The following RGS7BP variants were observed in gnomAD, a reference collection of about 807,000 sequenced individuals.
The protein encoded by RGS7BP is regulator of G protein signaling 7-binding protein.
RGS7BP carries 9 observed loss-of-function variants against 31.3 expected under a neutral mutation model. The ratio of observed to expected loss-of-function variants is 0.29; its 90% CI spans 0.17 to 0.50. RGS7BP has a LOEUF of 0.50. Ranked by LOEUF, RGS7BP falls within the 20% of genes least tolerant of loss-of-function variation. The pLI is 0.98. For missense variants in RGS7BP, 274 were observed against 322.0 expected, an observed-to-expected ratio of 0.85 and a Z score of 1.14; for synonymous variants, 115 against 120.1, an observed-to-expected ratio of 0.96 and a Z score of 0.28.
chr5:64,589,546 T>C (rs1439976722), intron 3 of RGS7BP, among the ~76,000 whole-genome samples: 1 of 152,152 alleles, frequency 6.6e-6, no homozygotes, highest in Non-Finnish European at 1.5e-5. Flanking sequence ...AAGGTCATTA[T>C]ATAAAACAAC....
At chr5:64,572,887 A>G (rs890046847) in intron 2 of RGS7BP, among the ~76,000 whole-genome samples, 1 of 150,754 alleles carries the variant, frequency 6.6e-6, no homozygotes, top group Non-Finnish European at 1.5e-5. Flanking sequence ...TTACATATGT[A>G]TACATGTGCC....
intron 2 of RGS7BP, 71 bp from the exon 3 acceptor site, chr5:64,575,703 G>A (rs1348917609): frequency 6.6e-7 from 1 of 1,525,814 alleles, no homozygotes; most frequent in Non-Finnish European, 8.8e-7. Context: ...TTCCCTCTCG[G>A]AGCTGAGACA....
At chr5:64,543,716 A>C (rs1228466514) in intron 2 of RGS7BP, among the ~76,000 whole-genome samples, 1 of 152,228 alleles carries the variant, frequency 6.6e-6, no homozygotes, top group Non-Finnish European at 1.5e-5. Flanking sequence ...TAGGAGCTGC[A>C]TAAGTGGAGC....
intron 3 of RGS7BP, among the ~76,000 whole-genome samples, chr5:64,583,153 C>T (rs1010485279): frequency 6.6e-6 from 1 of 151,992 alleles, no homozygotes; most frequent in Admixed American, 6.6e-5. Flanking sequence ...TTTGGGAGGC[C>T]GAGGCAGGCA....
intron 2 of RGS7BP, among the ~76,000 whole-genome samples, chr5:64,542,602 A>T (rs75783318): frequency 0.013 from 1,965 of 152,306 alleles, 46 homozygotes; most frequent in African/African-American, 0.044. Flanking sequence ...GCATGTTTAC[A>T]AGGAGCCCTG....
intron 2 of RGS7BP, among the ~76,000 whole-genome samples, chr5:64,518,574 C>T (rs1469139215): frequency 6.6e-6 from 1 of 152,078 alleles, no homozygotes; most frequent in Non-Finnish European, 1.5e-5. Context: ...GGGACCAGTC[C>T]TATGATAATT....
intron 2 of RGS7BP, among the ~76,000 whole-genome samples, chr5:64,544,787 A>G (rs945529392): frequency 2.6e-5 from 4 of 152,224 alleles, no homozygotes; most frequent in African/African-American, 4.8e-5. Flanking sequence ...GCAATAAATC[A>G]TGGTATATTG....
At chr5:64,511,613 G>T (rs142620690) in intron 2 of RGS7BP, among the ~76,000 whole-genome samples, 180 of 152,244 alleles carry the variant, frequency 1.2e-3, no homozygotes, top group African/African-American at 4.2e-3. Context: ...CCTGCCTTTT[G>T]GACTTCCTTC....
At chr5:64,584,679 A>G (rs1742695724) in intron 3 of RGS7BP, among the ~76,000 whole-genome samples, 1 of 152,224 alleles carries the variant, frequency 6.6e-6, no homozygotes, top group African/African-American at 2.4e-5. Flanking sequence ...TGGCAGTGCC[A>G]CAAGGAGCAC....
At chr5:64,524,397 T>C (rs1454190349) in intron 2 of RGS7BP, among the ~76,000 whole-genome samples, 1 of 152,152 alleles carries the variant, frequency 6.6e-6, no homozygotes, top group East Asian at 1.9e-4. Context: ...AGATTAGGGA[T>C]CAAGAAATGT....
At chr5:64,580,920 A>G (rs1283608821) in intron 3 of RGS7BP, among the ~76,000 whole-genome samples, 2 of 152,166 alleles carry the variant, frequency 1.3e-5, no homozygotes, top group Admixed American at 1.3e-4. Context: ...TAATGCTATA[A>G]TAAAAACTGG....
chr5:64,521,813 C>T (rs1356068595), intron 2 of RGS7BP, among the ~76,000 whole-genome samples: 1 of 152,068 alleles, frequency 6.6e-6, no homozygotes, highest in African/African-American at 2.4e-5. Flanking sequence ...AAACATTTTG[C>T]GTTTGTGTAA....
At chr5:64,547,670 T>C (rs1254514286) in intron 2 of RGS7BP, among the ~76,000 whole-genome samples, 1 of 152,162 alleles carries the variant, frequency 6.6e-6, no homozygotes, top group Non-Finnish European at 1.5e-5. Flanking sequence ...AGAAATAGTC[T>C]CACCCGTAAT....
intron 2 of RGS7BP, among the ~76,000 whole-genome samples, chr5:64,571,106 C>G (rs1742292364): frequency 6.6e-6 from 1 of 152,090 alleles, no homozygotes; most frequent in African/African-American, 2.4e-5. Flanking sequence ...AGTCAATTCC[C>G]CACCTCTGTT....
At chr5:64,548,865 T>C (rs1191770534) in intron 2 of RGS7BP, among the ~76,000 whole-genome samples, 5 of 151,874 alleles carry the variant, frequency 3.3e-5, no homozygotes, top group Admixed American at 6.6e-5. Flanking sequence ...TTTTTTTTTT[T>C]TTACTAAGTA....
Position 64,506,529 on chromosome 5 carries a change from G to A in RGS7BP, c.-96G>A. On this transcript the variant is annotated 5_prime_UTR_variant, in exon 1 of 6. Transcript: ENST00000334025. The surrounding 1 kb of genome is among the most constrained non-coding windows in gnomAD (Gnocchi z 4.6). ...TGTGAGCTGCGCGCCTCAGGTCCGG[G>A]CTCCGGCTGCTTGGCGGCGGCGCCC... is the stretch of plus-strand genomic sequence containing the variant. 1.7e-6 allele frequency: 2 copies of A among 1,149,390 alleles called. No homozygotes were observed. Among genetic ancestry groups the A allele is most frequent in the Non-Finnish European group, 2.5e-6 (2 of 813,992 alleles). 71.2% of individuals were successfully genotyped at this position (1,149,390 alleles called of 1,614,324 possible). A position where few individuals can be genotyped will look rare whatever the true frequency, so the allele number is the denominator to read the frequency against.
intron 3 of RGS7BP, 142 bp from the exon 4 acceptor site, chr5:64,594,568 T>G: frequency 1.4e-6 from 1 of 732,246 alleles, no homozygotes; most frequent in Non-Finnish European, 2.3e-6. Flanking sequence ...TACCTAATTA[T>G]TTTATTACTC....
intron 5 of RGS7BP, among the ~76,000 whole-genome samples, chr5:64,599,395 T>TGAG (rs996851716): frequency 2.1e-4 from 32 of 151,302 alleles, no homozygotes; most frequent in East Asian, 3.9e-4. Context: ...TGCCTTGAAG[T>TGAG]GAGGAGGAGG....
intron 2 of RGS7BP, among the ~76,000 whole-genome samples, chr5:64,513,388 A>T (rs1748890782): frequency 1.3e-5 from 2 of 149,930 alleles, no homozygotes; most frequent in African/African-American, 4.9e-5. Context: ...GTTGGGGTGG[A>T]GTCTGTTTTG....
Sources: allele counts gnomAD v4.1 joint callset (sites outside exome capture counted in the v4.1 genomes callset), GRCh38; gene constraint gnomAD v4.1.1; non-coding constraint Gnocchi (gnomAD v3.1); transcripts MANE v1.5; gene names NCBI Gene and HGNC (gene_info 2026-07-23, HGNC 2026-07-21).